The following KIAA1549L variants were observed in gnomAD, a reference collection of about 807,000 sequenced individuals.
KIAA1549L encodes the protein UPF0606 protein KIAA1549L.
In KIAA1549L, 88 loss-of-function variants were observed where a neutral mutation model predicts 160.7. The ratio of observed to expected loss-of-function variants is 0.55; its 90% CI spans 0.46 to 0.65. KIAA1549L has a LOEUF of 0.65. Ranked by LOEUF, KIAA1549L falls within the 30% of genes least tolerant of loss-of-function variation. The pLI is 0.00. For synonymous variants in KIAA1549L, 950 were observed against 976.7 expected (o/e 0.97, Z 0.51); for missense variants, 2,258 against 2,437.5 (o/e 0.93, Z 1.55).
intron 10 of KIAA1549L, 119 bp from the exon 11 acceptor site, chr11:33,583,219 T>C (rs1294472885): frequency 1.0e-6 from 1 of 976,460 alleles, no homozygotes; most frequent in South Asian, 1.7e-5. Flanking sequence ...CCCCAAACCC[T>C]CTTAACCTCC....
rs764943682 is a variant in KIAA1549L at position 33,668,149 on chromosome 11, G to T, written c.6436G>T (p.Val2146Phe). 39 of 1,612,830 alleles carry T rather than the reference G, an allele frequency of 2.4e-5. No individual in the cohort carries two copies. The highest frequency in any genetic ancestry group is 3.2e-5 in the Non-Finnish European group (38 of 1,179,478). ...ACAGACAGACATGTTTGAGTTCCAG[G>T]TCTAACGCCTTAGCCCCGTGGGACT... ...KKQTDMFEFQ[V>F] The change falls in exon 21 of 21, where the codon GTC becomes TTC. Residue 2146 changes from valine (V) to phenylalanine (F), a missense_variant. Val to Phe is a conservative substitution (Grantham distance 50, BLOSUM62 -1). Around this residue, in one of 6 missense-constraint regions of KIAA1549L, gnomAD observed 1,359 missense variants for 1,546.6 expected, o/e 0.88. Transcript: ENST00000658780.
intron 20 of KIAA1549L, among the ~76,000 whole-genome samples, chr11:33,661,796 C>G (rs960258826): frequency 1.4e-5 from 2 of 143,790 alleles, no homozygotes; most frequent in African/African-American, 5.2e-5. Flanking sequence ...AGGAGAATCA[C>G]TTAAACCCAG....
Position 33,574,683 on chromosome 11 carries a change from G to A in KIAA1549L, c.4231-19G>A, listed in dbSNP as rs766789907. The A allele has an allele frequency of 4.1e-5, 65 of 1,602,140 alleles. No homozygotes were observed. The highest frequency in any genetic ancestry group is 5.1e-5 in the Non-Finnish European group (60 of 1,171,766). Reference sequence around the variant, plus strand: ...ATGCAAAATGCCCTGCAAACACTCGGCCTCTCTTTTTCCGAAAGATGGTGA... The same window carrying A: ...ATGCAAAATGCCCTGCAAACACTCGACCTCTCTTTTTCCGAAAGATGGTGA... On this transcript the variant is annotated intron_variant, in intron 9 of 20. Coordinates refer to ENST00000658780, the MANE Select transcript of KIAA1549L (RefSeq NM_012194.3).
At chr11:33,559,961 T>C in intron 7 of KIAA1549L, 50 bp downstream of exon 7, 1 of 1,564,918 alleles carries the variant, frequency 6.4e-7, no homozygotes, top group Non-Finnish European at 8.8e-7. Context: ...CTGTGGCCTT[T>C]CTCCATTTAG....
At chr11:33,655,110 G>A (rs994632023) in intron 17 of KIAA1549L, among the ~76,000 whole-genome samples, 1 of 152,208 alleles carries the variant, frequency 6.6e-6, no homozygotes, top group African/African-American at 2.4e-5. Context: ...TCTTGCTAAA[G>A]GAGGTTGTGG....
At position 33,523,454 on chromosome 11, in the gene KIAA1549L, T is replaced by C. The variant is rs552551058; in HGVS notation, c.239-18348T>C. On this transcript the variant is annotated intron_variant, in intron 1 of 20. Coordinates refer to ENST00000658780, the MANE Select transcript of KIAA1549L (RefSeq NM_012194.3). ...GAACATATGTCTTGACATGATTATC[T>C]TTGCTTATTCTTAATTTTAGAGAAT... Among the ~76,000 whole-genome samples the C allele has an allele frequency of 2.6e-5, 4 of 152,364 alleles. 1 individual carries two copies. The highest frequency in any genetic ancestry group is 9.6e-5 in the African/African-American group (4 of 41,586).
intron 1 of KIAA1549L, among the ~76,000 whole-genome samples, chr11:33,393,586 C>A (rs1850312347): frequency 6.6e-6 from 1 of 152,198 alleles, no homozygotes; most frequent in Non-Finnish European, 1.5e-5. Flanking sequence ...CCTAGTGGGA[C>A]AACTTGCTTA....
chr11:33,395,932 A>T (rs1850364687), intron 1 of KIAA1549L, among the ~76,000 whole-genome samples: 1 of 152,154 alleles, frequency 6.6e-6, no homozygotes, highest in Non-Finnish European at 1.5e-5. Flanking sequence ...ATGGTGGTAC[A>T]TGCGAAGTGT....
chr11:33,404,998 ACT>A (rs1850615137), intron 1 of KIAA1549L, among the ~76,000 whole-genome samples: 1 of 125,926 alleles, frequency 7.9e-6, no homozygotes, highest in Non-Finnish European at 1.7e-5. Context: ...ACAGAGTGAG[ACT>A]CTGTCTCAAA....
intron 1 of KIAA1549L, among the ~76,000 whole-genome samples, chr11:33,421,760 A>G (rs982471303): frequency 2.0e-5 from 3 of 152,188 alleles, no homozygotes; most frequent in African/African-American, 7.2e-5. Context: ...GGGAGTTTTA[A>G]TAGAATTTTG....
At chr11:33,423,046 G>A (rs1195049646) in intron 1 of KIAA1549L, among the ~76,000 whole-genome samples, 3 of 152,190 alleles carry the variant, frequency 2.0e-5, no homozygotes, top group East Asian at 3.8e-4. Context: ...GTGTGGTGCT[G>A]AAACAATTTC....
intron 1 of KIAA1549L, among the ~76,000 whole-genome samples, chr11:33,379,786 A>G (rs928337688): frequency 6.6e-6 from 1 of 152,238 alleles, no homozygotes; most frequent in African/African-American, 2.4e-5. Flanking sequence ...TGTTTCAAAC[A>G]GTGCTTGGTA....
chr11:33,522,487 T>C (rs1373198119), intron 1 of KIAA1549L, among the ~76,000 whole-genome samples: 1 of 152,222 alleles, frequency 6.6e-6, no homozygotes, highest in Non-Finnish European at 1.5e-5. Context: ...ACCCACGATA[T>C]ATCACACAGT....
chr11:33,657,031 G>C (rs772547443), intron 18 of KIAA1549L, among the ~76,000 whole-genome samples: 1 of 152,148 alleles, frequency 6.6e-6, no homozygotes, highest in Non-Finnish European at 1.5e-5. Context: ...CCCCAGAAAG[G>C]GGTCTCAGAA....
chr11:33,530,906 A>G (rs2133149571), intron 1 of KIAA1549L, among the ~76,000 whole-genome samples: 1 of 152,320 alleles, frequency 6.6e-6, no homozygotes, highest in East Asian at 1.9e-4. Context: ...TAAAAGAGAA[A>G]AGGCAGTGCG....
chr11:33,478,896 G>T (rs1418894494), intron 1 of KIAA1549L, among the ~76,000 whole-genome samples: 3 of 152,138 alleles, frequency 2.0e-5, no homozygotes, highest in Non-Finnish European at 2.9e-5. Flanking sequence ...CTCCCAAAGT[G>T]CTGGGATTAC....
At chr11:33,458,159 G>A (rs770395761) in intron 1 of KIAA1549L, among the ~76,000 whole-genome samples, 1 of 152,220 alleles carries the variant, frequency 6.6e-6, no homozygotes, top group Non-Finnish European at 1.5e-5. Flanking sequence ...CTTGTGGTGT[G>A]GGTTGGCGCT....
intron 9 of KIAA1549L, among the ~76,000 whole-genome samples, chr11:33,573,782 G>A (rs780997181): frequency 5.3e-5 from 8 of 152,060 alleles, no homozygotes; most frequent in African/African-American, 1.2e-4. Flanking sequence ...CCAGGCATGC[G>A]TACTGTAGAA....
At chr11:33,452,783 G>A (rs1851748027) in intron 1 of KIAA1549L, among the ~76,000 whole-genome samples, 1 of 152,164 alleles carries the variant, frequency 6.6e-6, no homozygotes, top group Middle Eastern at 3.4e-3. Flanking sequence ...AGGGTCCCTC[G>A]CCCCTGTGTG....
Sources: allele counts gnomAD v4.1 joint callset (sites outside exome capture counted in the v4.1 genomes callset), GRCh38; gene constraint gnomAD v4.1.1; regional missense constraint gnomAD v4.1.1; transcripts MANE v1.5; gene names NCBI Gene and HGNC (gene_info 2026-07-23, HGNC 2026-07-21).